RD3: variants seen among roughly 807,000 people sequenced by gnomAD.
The protein encoded by RD3 is RD3 regulator of GUCY2D.
RD3 carries 11 observed loss-of-function variants against 16.9 expected under a neutral mutation model. The ratio of observed to expected loss-of-function variants is 0.65; its 90% CI spans 0.41 to 1.08. The LOEUF (loss-of-function observed/expected upper bound fraction) is 1.08, where lower values mean the gene tolerates loss of function less well. Ranked by LOEUF, RD3 falls within the 50% of genes least tolerant of loss-of-function variation. The probability of loss-of-function intolerance (pLI) is 0.00; values close to 1 mark genes in which losing one functional copy is unlikely to be tolerated. For missense variants in RD3, 274 were observed against 267.4 expected (o/e 1.02, Z -0.17); for synonymous variants, 116 against 114.8 (o/e 1.01, Z -0.07).
chr1:211,483,454 CAAAA>C (rs879727673), intron 1 of RD3, among the ~76,000 whole-genome samples: 1 of 104,222 alleles, frequency 9.6e-6, no homozygotes, highest in Non-Finnish European at 2.0e-5. Flanking sequence ...GACTCCAACT[CAAAA>C]AAAAAAAAAA....
intron 1 of RD3, among the ~76,000 whole-genome samples, chr1:211,484,149 C>T (rs950605128): frequency 1.3e-5 from 2 of 152,184 alleles, no homozygotes; most frequent in Admixed American, 6.5e-5. Context: ...GAGCACTTTA[C>T]GGAACGTGAC....
chr1:211,487,152 G>GT lies in RD3; in HGVS notation c.-12+4615dup, dbSNP rs369851598. Among the ~76,000 whole-genome samples the GT allele has an allele frequency of 1.3e-3, 200 of 152,194 alleles. 2 individuals are homozygous for GT. The highest frequency in any genetic ancestry group is 4.7e-3 in the African/African-American group (197 of 41,518). ...TCCAGATCCACCAAAGGGAACAATG[G>GT]TTTTTTTCTTCCCCTTTCTTAAGAC... On this transcript the variant is annotated intron_variant, in intron 1 of 2. Coordinates refer to ENST00000680073, the MANE Select transcript of RD3 (RefSeq NM_001164688.2).
chr1:211,482,200 C>A (rs1243506145), intron 1 of RD3, among the ~76,000 whole-genome samples: 2 of 148,782 alleles, frequency 1.3e-5, no homozygotes, highest in African/African-American at 2.5e-5. Flanking sequence ...CCAGCCTGGG[C>A]AAAAAGAGCA....
intron 1 of RD3, among the ~76,000 whole-genome samples, chr1:211,486,523 G>A (rs1205272856): frequency 1.3e-5 from 2 of 150,776 alleles, no homozygotes; most frequent in Non-Finnish European, 2.9e-5. Context: ...TAGGATAACT[G>A]AGGAAATCTG....
chr1:211,484,411 C>CT (rs950677972), intron 1 of RD3, among the ~76,000 whole-genome samples: 6 of 151,918 alleles, frequency 3.9e-5, no homozygotes, highest in Admixed American at 1.3e-4. Context: ...CCTTAGGGAG[C>CT]TTTTTTTTCT....
chr1:211,477,282 C>A lies in RD3; in HGVS notation c.*1754G>T, dbSNP rs897716355. On this transcript the variant is annotated 3_prime_UTR_variant, in exon 3 of 3. Transcript: ENST00000680073. ...CCATTCTGGGCAACATAGTGAAACC[C>A]CATCTCTAATAAAAATACAAAAATT... 1.3e-5 allele frequency: 2 copies of A among 151,872 alleles called. No homozygotes were observed. The allele number at this position is 151,872 out of a possible 1,614,324, so 9.4% of individuals were successfully genotyped here. A position where few individuals can be genotyped will look rare whatever the true frequency, so the allele number is the denominator to read the frequency against.
rs1234454487 is a variant in RD3, at chr1:211,477,067, T to C, written c.*1969A>G. 1 of 152,034 alleles carries C rather than the reference T, an allele frequency of 6.6e-6. No individual in the cohort carries two copies. The highest frequency in any genetic ancestry group is 2.4e-5 in the African/African-American group (1 of 41,382). The allele number at this position is 152,034 out of a possible 1,614,324, so 9.4% of individuals were successfully genotyped here. A position where few individuals can be genotyped will look rare whatever the true frequency, so the allele number is the denominator to read the frequency against. On this transcript the variant is annotated 3_prime_UTR_variant, in exon 3 of 3. Transcript: ENST00000680073. Reference sequence around the variant, plus strand: ...AACTCTTTTACGCCAGTTGTTCTTATTGTTATGATTAAAGTGCAAACCAAG... The same window carrying C: ...AACTCTTTTACGCCAGTTGTTCTTACTGTTATGATTAAAGTGCAAACCAAG...
chr1:211,480,954 C>T (rs1705245039), intron 2 of RD3, among the ~76,000 whole-genome samples, 166 bp downstream of exon 2: 2 of 152,210 alleles, frequency 1.3e-5, no homozygotes, highest in Admixed American at 6.5e-5. Flanking sequence ...CCTAGTCCAG[C>T]GTTTCATGGT....
chr1:211,478,741 A>C lies in RD3; in HGVS notation c.*295T>G. On this transcript the variant is annotated 3_prime_UTR_variant, in exon 3 of 3. Coordinates refer to ENST00000680073, the MANE Select transcript of RD3 (RefSeq NM_001164688.2). ...CAGAACCAGGAGATGAGGATGGGGC[A>C]ATGGTCTGTCTTCCAAAACCTTGAA... 2.2e-6 allele frequency: 1 copy of C among 446,056 alleles called. No individual in the cohort carries two copies. Among genetic ancestry groups the C allele is most frequent in the Admixed American group, 3.8e-5 (1 of 26,220 alleles). The allele number at this position is 446,056 out of a possible 1,614,324, so 27.6% of individuals were successfully genotyped here. A position where few individuals can be genotyped will look rare whatever the true frequency, so the allele number is the denominator to read the frequency against.
intron 1 of RD3, among the ~76,000 whole-genome samples, chr1:211,490,031 C>T (rs1705455209): frequency 6.6e-6 from 1 of 152,174 alleles, no homozygotes; most frequent in Admixed American, 6.5e-5. Context: ...TTGAACATCC[C>T]TGAGGATAAT....
At chr1:211,488,665 C>T (rs1187387434) in intron 1 of RD3, among the ~76,000 whole-genome samples, 1 of 152,230 alleles carries the variant, frequency 6.6e-6, no homozygotes, top group East Asian at 1.9e-4. Context: ...TGGGCTGGGC[C>T]CTGCTTGTTA....
At chr1:211,486,672 A>G (rs1012280339) in intron 1 of RD3, among the ~76,000 whole-genome samples, 1 of 152,056 alleles carries the variant, frequency 6.6e-6, no homozygotes, top group Non-Finnish European at 1.5e-5. Flanking sequence ...AACATGGTGA[A>G]ATCCCGTCTC....
At chr1:211,482,687 A>G (rs903078718) in intron 1 of RD3, among the ~76,000 whole-genome samples, 1 of 151,938 alleles carries the variant, frequency 6.6e-6, no homozygotes, top group African/African-American at 2.4e-5. Context: ...AGATGAATGA[A>G]CGAATGAATG....
intron 1 of RD3, among the ~76,000 whole-genome samples, chr1:211,486,198 CT>C (rs1399722695): frequency 6.6e-6 from 1 of 150,662 alleles, no homozygotes; most frequent in African/African-American, 2.4e-5. Flanking sequence ...GAAAGATCCC[CT>C]TCTTTATATT....
chr1:211,491,107 G>A (rs951828907), intron 1 of RD3, among the ~76,000 whole-genome samples: 2 of 152,196 alleles, frequency 1.3e-5, no homozygotes, highest in African/African-American at 4.8e-5. Context: ...ACCACAGTGG[G>A]AGGGGACTGA....
chr1:211,479,379 G>T, intron 2 of RD3, 52 bp from the exon 3 acceptor site: 3 of 1,529,844 alleles, frequency 2.0e-6, no homozygotes, highest in Non-Finnish European at 2.6e-6. Flanking sequence ...AGCGGGTCTG[G>T]CACCCCGGGC....
chr1:211,476,929 C>T lies in RD3; in HGVS notation c.*2107G>A, dbSNP rs1044381137. ...TCTAAAACATTTGCTGACCCACATCCAGGGCACCCGGAAAGCCCACAATGT... is the reference window on the plus strand; with the variant it reads ...TCTAAAACATTTGCTGACCCACATCTAGGGCACCCGGAAAGCCCACAATGT... On this transcript the variant is annotated 3_prime_UTR_variant, in exon 3 of 3. Transcript: ENST00000680073. 3.1e-4 allele frequency: 47 copies of T among 152,278 alleles called. No homozygotes were observed. Among genetic ancestry groups the T allele is most frequent in the African/African-American group, 1.1e-3 (47 of 41,550 alleles). 9.4% of individuals were successfully genotyped at this position (152,278 alleles called of 1,614,324 possible).
rs2102364940 is a variant in RD3 at position 211,477,056 on chromosome 1, AGTT to A, written c.*1977_*1979del. ...GCTTGTTCCAAAACTCTTTTACGCCAGTTGTTCTTATTGTTATGATTAAAGTGC... is the reference window on the plus strand; with the variant it reads ...GCTTGTTCCAAAACTCTTTTACGCCAGTTCTTATTGTTATGATTAAAGTGC... On this transcript the variant is annotated 3_prime_UTR_variant, in exon 3 of 3. Coordinates refer to ENST00000680073, the MANE Select transcript of RD3 (RefSeq NM_001164688.2). The A allele has an allele frequency of 6.6e-6, 1 of 152,178 alleles. No individual in the cohort carries two copies. The highest frequency in any genetic ancestry group is 1.9e-4 in the East Asian group (1 of 5,164). 9.4% of individuals were successfully genotyped at this position (152,178 alleles called of 1,614,324 possible).
rs199896612 is a variant in RD3 at position 211,481,183 on chromosome 1, C to T, written c.233G>A (p.Arg78Gln). The change falls in exon 2 of 3, where the codon CGG becomes CAG. Residue 78 changes from arginine to glutamine, a missense_variant. Coordinates refer to ENST00000680073, the MANE Select transcript of RD3 (RefSeq NM_001164688.2). ...RSTYDLSPIERLQLEDVCVKI... is the reference protein window; with the variant it reads ...RSTYDLSPIEQLQLEDVCVKI... ...AACGCAGACATCTTCCAGCTGCAAC[C>T]GCTCAATGGGGCTGAGGTCATAGGT... 1.2e-5 allele frequency: 20 copies of T among 1,614,266 alleles called. No individual in the cohort carries two copies. Among genetic ancestry groups the T allele is most frequent in the East Asian group, 1.1e-4 (5 of 44,890 alleles).
Sources: gnomAD v4.1 joint callset for allele counts (sites outside exome capture counted in the v4.1 genomes callset) on GRCh38, gnomAD v4.1.1 for gene constraint, MANE v1.5 for transcripts, NCBI Gene and HGNC (gene_info 2026-07-23, HGNC 2026-07-21) for gene names.